ARHGAP15: variants seen among roughly 807,000 people sequenced by gnomAD.
ARHGAP15 encodes the protein Rho GTPase activating protein 15, also known as rho GTPase-activating protein 15.
In ARHGAP15, 51 loss-of-function variants were observed where a neutral mutation model predicts 63.7. The ratio of observed to expected loss-of-function variants is 0.80; its 90% CI spans 0.64 to 1.01. The LOEUF (loss-of-function observed/expected upper bound fraction) is 1.01, where lower values mean the gene tolerates loss of function less well. Among genes scored for constraint, ARHGAP15 ranks in the 50% least tolerant of loss-of-function variants. The pLI, the probability that ARHGAP15 is intolerant of heterozygous loss-of-function variation, is 0.00. For synonymous variants in ARHGAP15, 191 were observed against 193.8 expected, an observed-to-expected ratio of 0.99 and a Z score of 0.12; for missense variants, 560 against 564.6, an observed-to-expected ratio of 0.99 and a Z score of 0.08.
At chr2:143,356,567 AC>A (rs1280843163) in intron 6 of ARHGAP15, among the ~76,000 whole-genome samples, 2 of 152,150 alleles carry the variant, frequency 1.3e-5, no homozygotes, top group African/African-American at 4.8e-5. Context: ...GAAATGTAAA[AC>A]AGGATTAAAG....
At chr2:143,317,134 T>C (rs1254018842) in intron 6 of ARHGAP15, among the ~76,000 whole-genome samples, 3 of 152,184 alleles carry the variant, frequency 2.0e-5, no homozygotes, top group African/African-American at 4.8e-5. Flanking sequence ...TATTATTAAA[T>C]AGTTGACTGC....
chr2:143,643,366 A>T (rs1680701426), intron 12 of ARHGAP15, among the ~76,000 whole-genome samples: 1 of 151,866 alleles, frequency 6.6e-6, no homozygotes, highest in Non-Finnish European at 1.5e-5. Context: ...ATTTATGTAC[A>T]TGTGAATCTG....
intron 6 of ARHGAP15, among the ~76,000 whole-genome samples, chr2:143,364,349 A>G (rs1686203297): frequency 6.6e-6 from 1 of 152,180 alleles, no homozygotes; most frequent in South Asian, 2.1e-4. Flanking sequence ...TTACTTGGAA[A>G]TTATTTTGTT....
intron 5 of ARHGAP15, among the ~76,000 whole-genome samples, chr2:143,247,874 C>T (rs1694104419): frequency 6.6e-6 from 1 of 152,166 alleles, no homozygotes; most frequent in South Asian, 2.1e-4. Context: ...ATCTTAATTG[C>T]TATAAAATTG....
At chr2:143,673,418 C>T (rs1414434730) in intron 12 of ARHGAP15, among the ~76,000 whole-genome samples, 1 of 152,010 alleles carries the variant, frequency 6.6e-6, no homozygotes, top group African/African-American at 2.4e-5. Context: ...CTTCCTCAGC[C>T]TACCAAGTAG....
intron 12 of ARHGAP15, among the ~76,000 whole-genome samples, chr2:143,630,874 A>G (rs913066788): frequency 1.3e-5 from 2 of 152,096 alleles, no homozygotes; most frequent in East Asian, 1.9e-4. Context: ...TTAAAAGCTT[A>G]ACTTTGATAA....
At chr2:143,513,549 T>C (rs1251751727) in intron 9 of ARHGAP15, among the ~76,000 whole-genome samples, 1 of 152,230 alleles carries the variant, frequency 6.6e-6, no homozygotes, top group East Asian at 1.9e-4. Flanking sequence ...TACAACTATC[T>C]GCTTTTCAGT....
chr2:143,531,250 C>A (rs1249442973), intron 10 of ARHGAP15, among the ~76,000 whole-genome samples: 5 of 151,982 alleles, frequency 3.3e-5, no homozygotes, highest in Admixed American at 1.3e-4. Context: ...GTAATTATAG[C>A]TTTATATACA....
intron 12 of ARHGAP15, among the ~76,000 whole-genome samples, chr2:143,694,040 T>A (rs978977105): frequency 7.2e-5 from 11 of 152,226 alleles, no homozygotes; most frequent in Non-Finnish European, 1.6e-4. Flanking sequence ...TCAACTTCAA[T>A]TTCTAAAGTA....
At chr2:143,678,175 A>G (rs760070019) in intron 12 of ARHGAP15, among the ~76,000 whole-genome samples, 4 of 152,176 alleles carry the variant, frequency 2.6e-5, no homozygotes, top group Non-Finnish European at 5.9e-5. Flanking sequence ...TCATGCCACT[A>G]CATTCCAGCC....
At chr2:143,307,825 T>TA (rs1683246873) in intron 6 of ARHGAP15, among the ~76,000 whole-genome samples, 1 of 152,260 alleles carries the variant, frequency 6.6e-6, no homozygotes, top group African/African-American at 2.4e-5. Context: ...TTTTCTACGA[T>TA]ATAATTCTTA....
chr2:143,466,877 GT>G (rs1401915052), intron 8 of ARHGAP15, among the ~76,000 whole-genome samples: 8 of 152,048 alleles, frequency 5.3e-5, no homozygotes, highest in African/African-American at 1.9e-4. Flanking sequence ...TCCTGATTCA[GT>G]AATGGCAAAA....
At chr2:143,490,085 T>C (rs1309418844) in intron 9 of ARHGAP15, among the ~76,000 whole-genome samples, 1 of 152,134 alleles carries the variant, frequency 6.6e-6, no homozygotes, top group Non-Finnish European at 1.5e-5. Flanking sequence ...CTGCAAGCTC[T>C]GCCTCCTGGG....
chr2:143,308,143 T>C (rs1235516683), intron 6 of ARHGAP15, among the ~76,000 whole-genome samples: 1 of 152,092 alleles, frequency 6.6e-6, no homozygotes, highest in Non-Finnish European at 1.5e-5. Flanking sequence ...TAGAGGAGAA[T>C]GGAGAGAGAA....
At chr2:143,513,997 G>T (rs1023281703) in intron 9 of ARHGAP15, among the ~76,000 whole-genome samples, 9 of 152,208 alleles carry the variant, frequency 5.9e-5, no homozygotes, top group Non-Finnish European at 1.2e-4. Flanking sequence ...GATTGCAGGT[G>T]CATGTGAGAA....
chr2:143,138,238 G>A (rs1320922902), intron 1 of ARHGAP15, among the ~76,000 whole-genome samples: 1 of 151,976 alleles, frequency 6.6e-6, no homozygotes, highest in Non-Finnish European at 1.5e-5. Context: ...TCATGTAAAG[G>A]AATTTGTATC....
At chr2:143,320,104 T>C (rs1683936881) in intron 6 of ARHGAP15, among the ~76,000 whole-genome samples, 2 of 152,314 alleles carry the variant, frequency 1.3e-5, no homozygotes, top group South Asian at 4.1e-4. Context: ...TCTACCCAGT[T>C]CTTGGTAGGT....
intron 11 of ARHGAP15, among the ~76,000 whole-genome samples, chr2:143,577,471 C>G (rs1395340239): frequency 6.6e-6 from 1 of 152,018 alleles, no homozygotes; most frequent in Non-Finnish European, 1.5e-5. Context: ...CTGGAAAAAT[C>G]AGGAAATGAT....
chr2:143,571,961 T>A (rs1696475449), intron 11 of ARHGAP15: 1 of 152,204 alleles, frequency 6.6e-6, no homozygotes, highest in African/African-American at 2.4e-5. Flanking sequence ...TTGACACAGA[T>A]CTCATGATTC....
Sources: gnomAD v4.1 joint callset for allele counts (sites outside exome capture counted in the v4.1 genomes callset) on GRCh38, gnomAD v4.1.1 for gene constraint, MANE v1.5 for transcripts, NCBI Gene and HGNC (gene_info 2026-07-23, HGNC 2026-07-21) for gene names.